DNAH8: variants seen among roughly 807,000 people sequenced by gnomAD.
DNAH8 encodes the protein dynein axonemal heavy chain 8.
Under a neutral mutation model 562.1 loss-of-function variants are expected in DNAH8, and 382 were observed. The observed-to-expected ratio is 0.68, with a 90% CI of 0.63 to 0.74. The LOEUF is 0.74. Ranked by LOEUF, DNAH8 falls within the 30% of genes least tolerant of loss-of-function variation. The probability of loss-of-function intolerance (pLI) is 0.00; values close to 1 mark genes in which losing one functional copy is unlikely to be tolerated. For missense variants in DNAH8, 5,203 were observed against 5,620.4 expected (o/e 0.93, Z 2.37); for synonymous variants, 1,881 against 1,919.4 (o/e 0.98, Z 0.52).
chr6:38,890,977 A>T (rs1779307000), intron 58 of DNAH8, among the ~76,000 whole-genome samples: 1 of 152,200 alleles, frequency 6.6e-6, no homozygotes, highest in Non-Finnish European at 1.5e-5. Context: ...TGTTACTGTA[A>T]ACCAGACATG....
chr6:38,892,505 A>G (rs1561827166), intron 58 of DNAH8, among the ~76,000 whole-genome samples: 1 of 152,136 alleles, frequency 6.6e-6, no homozygotes, highest in Non-Finnish European at 1.5e-5. Flanking sequence ...CTCATGGCCT[A>G]CATCGAGTCC....
chr6:38,842,911 A>G lies in DNAH8; in HGVS notation c.4845+8A>G, dbSNP rs1246668951. 2 of 1,612,696 alleles carry G rather than the reference A, an allele frequency of 1.2e-6. No individual in the cohort carries two copies. Among genetic ancestry groups the G allele is most frequent in the South Asian group, 2.2e-5 (2 of 90,884 alleles). The stretch of plus-strand genomic sequence containing the variant: ...CATAAGGATGATATTGAGGTACATA[A>G]GTGTATACGTTCTTATCAATGATCC... On this transcript the variant is annotated splice_region_variant and intron_variant, in intron 35 of 92. Transcript: ENST00000327475.
intron 82 of DNAH8, among the ~76,000 whole-genome samples, chr6:38,951,786 T>A (rs1293467747): frequency 1.3e-5 from 2 of 152,168 alleles, no homozygotes; most frequent in Non-Finnish European, 2.9e-5. Context: ...GATAGCTGTA[T>A]TGCATGGATA....
rs557051375 is a variant in DNAH8 at position 38,998,193 on chromosome 6, C to G, written c.13214+8021C>G. The stretch of plus-strand genomic sequence containing the variant: ...TTTGGGCAGGGCGAATCACAAGTCT[C>G]TCTCCTCAGTCCTTGCATAAGAATG... On this transcript the variant is annotated intron_variant, in intron 88 of 92. Coordinates refer to ENST00000327475, the MANE Select transcript of DNAH8 (RefSeq NM_001206927.2). Among the ~76,000 whole-genome samples the G allele has an allele frequency of 2.6e-5, 4 of 152,320 alleles. No homozygotes were observed. The East Asian group carries it at 5.8e-4, about 22-fold the overall frequency.
intron 82 of DNAH8, among the ~76,000 whole-genome samples, chr6:38,971,185 T>A (rs941213513): frequency 1.3e-5 from 2 of 152,192 alleles, no homozygotes; most frequent in Non-Finnish European, 2.9e-5. Flanking sequence ...TACAGAAGCG[T>A]CTGCTAAAAC....
intron 3 of DNAH8, among the ~76,000 whole-genome samples, chr6:38,728,749 T>A (rs1763428283): frequency 6.6e-6 from 1 of 152,192 alleles, no homozygotes; most frequent in Non-Finnish European, 1.5e-5. Flanking sequence ...CCAGGACCAG[T>A]TGCATCAGCA....
chr6:38,824,336 G>A (rs1416563141), intron 28 of DNAH8, among the ~76,000 whole-genome samples: 1 of 152,148 alleles, frequency 6.6e-6, no homozygotes, highest in Non-Finnish European at 1.5e-5. Flanking sequence ...ACTCAGGTGA[G>A]ACTGTTGTAG....
chr6:38,740,570 C>T (rs1764443801), intron 7 of DNAH8, among the ~76,000 whole-genome samples: 1 of 151,962 alleles, frequency 6.6e-6, no homozygotes. Context: ...CTGAATTGCT[C>T]ACGTTTATTA....
At chr6:38,791,705 A>C (rs767145566) in intron 21 of DNAH8, 31 bp downstream of exon 21, 126 of 1,604,266 alleles carry the variant, frequency 7.9e-5, no homozygotes, top group Non-Finnish European at 1.0e-4. Context: ...TTAGAATCAC[A>C]AAAATATTGG....
intron 7 of DNAH8, among the ~76,000 whole-genome samples, chr6:38,740,392 C>T (rs1014997678): frequency 6.6e-6 from 1 of 152,048 alleles, no homozygotes; most frequent in South Asian, 2.1e-4. Flanking sequence ...TTTTAAAATT[C>T]TCTCCAAAAA....
At chr6:38,748,838 G>A (rs893726910) in intron 8 of DNAH8, among the ~76,000 whole-genome samples, 7 of 151,228 alleles carry the variant, frequency 4.6e-5, no homozygotes, top group African/African-American at 1.5e-4. Context: ...GAATTTGAAG[G>A]AGAGAAATTG....
At chr6:38,805,793 G>A (rs554167212) in intron 23 of DNAH8, among the ~76,000 whole-genome samples, 197 bp downstream of exon 23, 13 of 152,322 alleles carry the variant, frequency 8.5e-5, no homozygotes, top group Admixed American at 2.0e-4. Flanking sequence ...AGCTTTTGAT[G>A]TGATTCTGTC....
intron 7 of DNAH8, among the ~76,000 whole-genome samples, chr6:38,738,677 A>C (rs1026528142): frequency 6.6e-6 from 1 of 152,192 alleles, no homozygotes. Flanking sequence ...AATCTTGACC[A>C]GGCAGGAGGT....
chr6:38,902,887 T>C (rs1441601985), intron 62 of DNAH8, among the ~76,000 whole-genome samples: 2 of 152,198 alleles, frequency 1.3e-5, no homozygotes, highest in Non-Finnish European at 2.9e-5. Flanking sequence ...ATAAGGACAT[T>C]TTGGTCAACA....
Position 38,997,330 on chromosome 6 carries a change from T to C in DNAH8, c.13214+7158T>C, listed in dbSNP as rs372902907. 4.6e-5 allele frequency among the ~76,000 whole-genome samples: 7 copies of C among 152,248 alleles called. No homozygotes were observed. In the East Asian group the frequency reaches 1.3e-3, roughly 29 times the overall value. On this transcript the variant is annotated intron_variant, in intron 88 of 92. Transcript: ENST00000327475. ...CCGGCCACCAGGAAGCAGTAAGCAA[T>C]AACAGATGAAGCATCCCAGCTGAAA...
chr6:39,013,872 A>AAG lies in DNAH8; in HGVS notation c.13714+1253_13714+1254dup, dbSNP rs760096683. ...TCTAAAAAAGAGAGAGAGAGAGAGAAAGAGAGAGAGAGAGAGAGAAGGCAC... is the reference window on the plus strand; with the variant it reads ...TCTAAAAAAGAGAGAGAGAGAGAGAAAGAGAGAGAGAGAGAGAGAGAAGGCAC... On this transcript the variant is annotated intron_variant, in intron 91 of 92. Coordinates refer to ENST00000327475, the MANE Select transcript of DNAH8 (RefSeq NM_001206927.2). Among the ~76,000 whole-genome samples the AAG allele has an allele frequency of 5.7e-4, 61 of 107,008 alleles. 1 individual carries two copies. Among genetic ancestry groups the AAG allele is most frequent in the South Asian group, 1.7e-3 (5 of 2,936 alleles). 70.2% of individuals were successfully genotyped at this position (107,008 alleles called of 152,430 possible). A position where few individuals can be genotyped will look rare whatever the true frequency, so the allele number is the denominator to read the frequency against.
intron 15 of DNAH8, among the ~76,000 whole-genome samples, chr6:38,780,390 A>AT (rs2127638070): frequency 6.6e-6 from 1 of 152,332 alleles, no homozygotes; most frequent in Admixed American, 6.5e-5. Context: ...ACATGCACGC[A>AT]TATGTTCATT....
At chr6:38,937,270 G>C (rs1453032969) in intron 77 of DNAH8, among the ~76,000 whole-genome samples, 1 of 151,656 alleles carries the variant, frequency 6.6e-6, no homozygotes, top group African/African-American at 2.4e-5. Flanking sequence ...CAAGTTGATG[G>C]GTGCAGCAAA....
At chr6:38,790,170 T>C in intron 19 of DNAH8, 119 bp from the exon 20 acceptor site, 1 of 744,256 alleles carries the variant, frequency 1.3e-6, no homozygotes, top group Non-Finnish European at 2.4e-6. Flanking sequence ...TTAGGTGTAA[T>C]AGAGGGAAAA....
Sources: allele counts gnomAD v4.1 joint callset (sites outside exome capture counted in the v4.1 genomes callset), GRCh38; gene constraint gnomAD v4.1.1; transcripts MANE v1.5; gene names NCBI Gene and HGNC (gene_info 2026-07-23, HGNC 2026-07-21).